Variants in VGLL3 observed in about 807,000 individuals in gnomAD.
VGLL3 encodes vestigial like family member 3.
In VGLL3, 18 loss-of-function variants were observed where a neutral mutation model predicts 29.2. The ratio of observed to expected loss-of-function variants is 0.62; its 90% CI spans 0.43 to 0.91. The LOEUF (loss-of-function observed/expected upper bound fraction) is 0.91, where lower values mean the gene tolerates loss of function less well. Ranked by LOEUF, VGLL3 falls within the 40% of genes least tolerant of loss-of-function variation. The pLI is 0.00. For synonymous variants in VGLL3, 180 were observed against 151.8 expected (o/e 1.19, Z -1.36); for missense variants, 440 against 413.2 (o/e 1.06, Z -0.56).
At chr3:86,981,404 A>G (rs1182510163) in intron 1 of VGLL3, among the ~76,000 whole-genome samples, 2 of 151,982 alleles carry the variant, frequency 1.3e-5, no homozygotes, top group African/African-American at 4.8e-5. Flanking sequence ...TAGTAAGCAA[A>G]AGCTGCCCCT....
intron 3 of VGLL3, among the ~76,000 whole-genome samples, chr3:86,952,778 CTG>C (rs1331092856): frequency 1.3e-5 from 2 of 152,160 alleles, no homozygotes; most frequent in African/African-American, 2.4e-5. Context: ...ACATACAACA[CTG>C]TGTCAGATGC....
intron 3 of VGLL3, chr3:86,962,105 A>G (rs540840568): frequency 1.0e-6 from 1 of 985,398 alleles, no homozygotes; most frequent in African/African-American, 1.7e-5. Context: ...TTAAAGACTG[A>G]TAAAGGAAAG....
intron 1 of VGLL3, among the ~76,000 whole-genome samples, chr3:86,987,020 G>T (rs1382527042): frequency 6.6e-6 from 1 of 152,000 alleles, no homozygotes; most frequent in Non-Finnish European, 1.5e-5. Context: ...AGCCTATTGT[G>T]CAATAGCAAA....
intron 3 of VGLL3, among the ~76,000 whole-genome samples, chr3:86,964,566 C>T (rs1040124241): frequency 6.6e-6 from 1 of 152,076 alleles, no homozygotes; most frequent in Non-Finnish European, 1.5e-5. Flanking sequence ...TATAAGAAAG[C>T]GAGCCTTAGA....
intron 3 of VGLL3, among the ~76,000 whole-genome samples, chr3:86,952,570 C>T (rs1358242466): frequency 6.6e-6 from 1 of 151,952 alleles, no homozygotes. Context: ...ACTTTGAAGA[C>T]CTAAAAGTAA....
chr3:86,973,430 A>T (rs949832212), intron 2 of VGLL3, among the ~76,000 whole-genome samples: 1 of 152,176 alleles, frequency 6.6e-6, no homozygotes, highest in Non-Finnish European at 1.5e-5. Context: ...TCTTCCCATA[A>T]AAATAAATGG....
chr3:86,958,976 A>C (rs1704781556), intron 3 of VGLL3, among the ~76,000 whole-genome samples: 1 of 152,170 alleles, frequency 6.6e-6, no homozygotes, highest in East Asian at 1.9e-4. Flanking sequence ...GATTAGAAAA[A>C]TTTTTATTGT....
intron 3 of VGLL3, among the ~76,000 whole-genome samples, chr3:86,953,183 T>C (rs1397259633): frequency 6.6e-6 from 1 of 152,182 alleles, no homozygotes; most frequent in Non-Finnish European, 1.5e-5. Context: ...ACATAGTGTT[T>C]AGAAAGTAAA....
chr3:86,988,353 C>G (rs973417249), intron 1 of VGLL3, among the ~76,000 whole-genome samples: 2 of 151,856 alleles, frequency 1.3e-5, no homozygotes, highest in African/African-American at 4.8e-5. Context: ...AAACAATCTT[C>G]ATGGATAATA....
intron 3 of VGLL3, among the ~76,000 whole-genome samples, chr3:86,963,866 C>G (rs1335076535): frequency 2.0e-5 from 3 of 152,164 alleles, no homozygotes; most frequent in Non-Finnish European, 4.4e-5. Context: ...AAAGCTCATG[C>G]CGTCCACTAA....
At chr3:86,959,063 G>C (rs1379937389) in intron 3 of VGLL3, among the ~76,000 whole-genome samples, 2 of 152,028 alleles carry the variant, frequency 1.3e-5, no homozygotes, top group African/African-American at 4.8e-5. Flanking sequence ...CATTCTGCCT[G>C]GTATTTTTAA....
At chr3:86,948,921 C>T (rs1323449871) in intron 3 of VGLL3, among the ~76,000 whole-genome samples, 1 of 152,164 alleles carries the variant, frequency 6.6e-6, no homozygotes, top group African/African-American at 2.4e-5. Flanking sequence ...CTGACATAGT[C>T]TCTGTTGGGT....
chr3:86,950,247 G>A (rs1464148935), intron 3 of VGLL3, among the ~76,000 whole-genome samples: 1 of 151,592 alleles, frequency 6.6e-6, no homozygotes, highest in Non-Finnish European at 1.5e-5. Flanking sequence ...CAGTAGAAAG[G>A]AAAAAAAATC....
chr3:86,958,347 C>G (rs1206753618), intron 3 of VGLL3, among the ~76,000 whole-genome samples: 5 of 152,160 alleles, frequency 3.3e-5, no homozygotes. Flanking sequence ...CTCTAATTTT[C>G]TACCAGCAAT....
Position 86,966,769 on chromosome 3 carries a change from GTGTGTATATATATA to G in VGLL3, c.937+1807_937+1820del, listed in dbSNP as rs1467983869. 1.8e-4 allele frequency among the ~76,000 whole-genome samples: 12 copies of G among 65,824 alleles called. 1 individual carries two copies. Among genetic ancestry groups the G allele is most frequent in the African/African-American group, 5.9e-4 (11 of 18,794 alleles). 43.2% of individuals were successfully genotyped at this position (65,824 alleles called of 152,430 possible). On this transcript the variant is annotated intron_variant, in intron 3 of 3. Transcript: ENST00000398399. ...TTAAGAACTTAAAGTAATAGTGTGT[GTGTGTATATATATA>G]TATATATATATATATATATATATAT...
At chr3:86,973,106 T>G (rs2107032550) in intron 2 of VGLL3, among the ~76,000 whole-genome samples, 1 of 152,066 alleles carries the variant, frequency 6.6e-6, no homozygotes, top group Middle Eastern at 3.4e-3. Flanking sequence ...CCAAAAAAAT[T>G]TTTTAAAATC....
In VGLL3 at chr3:86,944,843, T is replaced by G. The variant is rs1451596872; in HGVS notation, c.*2181A>C. The G allele has an allele frequency of 1.3e-5, 2 of 152,154 alleles. No homozygotes were observed. Among genetic ancestry groups the G allele is most frequent in the Admixed American group, 6.5e-5 (1 of 15,284 alleles). The allele number at this position is 152,154 out of a possible 1,614,324, so 9.4% of individuals were successfully genotyped here. On this transcript the variant is annotated 3_prime_UTR_variant, in exon 4 of 4. Transcript: ENST00000398399. ...AGTTTAACACTACTTTCAAATAAAT[T>G]ACAAAGGAAGTTAATGTATTCCGAA...
intron 3 of VGLL3, chr3:86,962,302 C>A: frequency 1.0e-6 from 1 of 985,438 alleles, no homozygotes; most frequent in Non-Finnish European, 1.2e-6. Flanking sequence ...CAAAGCAACA[C>A]CAAGACAGAG....
At chr3:86,988,010 G>A (rs1705488055) in intron 1 of VGLL3, among the ~76,000 whole-genome samples, 1 of 152,066 alleles carries the variant, frequency 6.6e-6, no homozygotes, top group African/African-American at 2.4e-5. Context: ...CATTTGTTAA[G>A]AGGAAAAATA....
Sources: allele counts gnomAD v4.1 joint callset (sites outside exome capture counted in the v4.1 genomes callset), GRCh38; gene constraint gnomAD v4.1.1; transcripts MANE v1.5; gene names NCBI Gene and HGNC (gene_info 2026-07-23, HGNC 2026-07-21).